Variants in NFAT5 observed in about 807,000 individuals in gnomAD.
The protein encoded by NFAT5 is nuclear factor of activated T-cells 5.
In NFAT5, 31 loss-of-function variants were observed where a neutral mutation model predicts 166.5. The ratio of observed to expected loss-of-function variants is 0.19; its 90% CI spans 0.14 to 0.25. NFAT5 has a LOEUF of 0.25. Ranked by LOEUF, NFAT5 falls within the 10% of genes least tolerant of loss-of-function variation. NFAT5 has a pLI of 1.00. For synonymous variants in NFAT5, 612 were observed against 639.7 expected (o/e 0.96, Z 0.65); for missense variants, 1,449 against 1,821.8 (o/e 0.80, Z 3.72).
At chr16:69,596,141 G>A (rs751862791) in intron 2 of NFAT5, among the ~76,000 whole-genome samples, 5 of 152,148 alleles carry the variant, frequency 3.3e-5, no homozygotes, top group Non-Finnish European at 5.9e-5. Context: ...TACCAGATGA[G>A]TTGATTTCAT....
At chr16:69,588,348 C>T (rs1325267232) in intron 2 of NFAT5, among the ~76,000 whole-genome samples, 1 of 152,144 alleles carries the variant, frequency 6.6e-6, no homozygotes, top group Non-Finnish European at 1.5e-5. Flanking sequence ...CAACTAACTC[C>T]TGAGAATACT....
At chr16:69,637,855 A>G (rs1040484582) in intron 3 of NFAT5, among the ~76,000 whole-genome samples, 2 of 152,240 alleles carry the variant, frequency 1.3e-5, no homozygotes, top group Non-Finnish European at 2.9e-5. Context: ...AATTCTATAA[A>G]GTCTGCTGTT....
At chr16:69,594,723 CTA>C (rs1292145853) in intron 2 of NFAT5, among the ~76,000 whole-genome samples, 5 of 152,086 alleles carry the variant, frequency 3.3e-5, no homozygotes, top group African/African-American at 1.2e-4. Context: ...ATAATAATAA[CTA>C]TTGTATTGTC....
At position 69,693,526 on chromosome 16, in the gene NFAT5, G is replaced by A. The variant is rs2037640263; in HGVS notation, c.3701G>A (p.Gly1234Asp). 6.2e-7 allele frequency: 1 copy of A among 1,613,978 alleles called. No individual in the cohort carries two copies. Among genetic ancestry groups the A allele is most frequent in the Admixed American group, 1.7e-5 (1 of 59,990 alleles). Residue 1234 changes from glycine to aspartate, a missense_variant, in exon 13 of 15, where the codon GGC becomes GAC. By Grantham distance (94) the Gly-to-Asp change is moderately conservative. Coordinates refer to ENST00000349945, the MANE Select transcript of NFAT5 (RefSeq NM_138713.4). ...TTATTTCAGCCTCAGGTGGCCCTGG[G>A]CTCCCTTCCACCTAATCCAATGCCT... is the stretch of plus-strand genomic sequence containing the variant. ...QGLFQPQVALGSLPPNPMPQS... is the reference protein window; with the variant it reads ...QGLFQPQVALDSLPPNPMPQS...
In NFAT5 at chr16:69,647,510, G is replaced by A; in HGVS notation, c.736G>A (p.Asp246Asn). 2 of 1,608,928 alleles carry A rather than the reference G, an allele frequency of 1.2e-6. No individual in the cohort carries two copies. The highest frequency in any genetic ancestry group is 1.7e-6 in the Non-Finnish European group (2 of 1,179,944). The change falls in exon 4 of 15, where the codon GAC becomes AAC. Residue 246 changes from aspartate (D) to asparagine (N), a missense_variant. Transcript: ENST00000349945. This position sits in a 1 kb window ranked among gnomAD's most constrained non-coding sequence, Gnocchi z 4.8. ...EESNMDIFDA[D>N]SAKAPHYVLS... Reference sequence around the variant, plus strand: ...ATCTAATATGGATATATTTGATGCCGACAGTGCCAAAGCACCTCACTATGT... The same window carrying A: ...ATCTAATATGGATATATTTGATGCCAACAGTGCCAAAGCACCTCACTATGT...
chr16:69,699,220 G>T lies in NFAT5; in HGVS notation c.*2869G>T, dbSNP rs1178389843. On this transcript the variant is annotated 3_prime_UTR_variant, in exon 15 of 15. Coordinates refer to ENST00000349945, the MANE Select transcript of NFAT5 (RefSeq NM_138713.4). ...TTAATACTGCACTGTGGATGAAGTG[G>T]CGACTGGCTTGTGTGCTGACTTCTG... 1 of 153,358 alleles carries T rather than the reference G, an allele frequency of 6.5e-6. No homozygotes were observed. The highest frequency in any genetic ancestry group is 1.9e-4 in the East Asian group (1 of 5,200). The allele number at this position is 153,358 out of a possible 1,614,324, so 9.5% of individuals were successfully genotyped here.
rs1196852425 is a variant in NFAT5, at chr16:69,658,469, G to A, written c.1197-1258G>A. Reference sequence around the variant, plus strand: ...TTGTGCTCCAGCCTGGGCAACAAGAGCGAAACTCTGTCTCAAAAAAAAAAA... The same window carrying A: ...TTGTGCTCCAGCCTGGGCAACAAGAACGAAACTCTGTCTCAAAAAAAAAAA... On this transcript the variant is annotated intron_variant, in intron 6 of 14. Coordinates refer to ENST00000349945, the MANE Select transcript of NFAT5 (RefSeq NM_138713.4). Among the ~76,000 whole-genome samples, 30 of 150,196 alleles carry A rather than the reference G, an allele frequency of 2.0e-4. No individual in the cohort carries two copies. The East Asian group carries it at 5.9e-3, about 29-fold the overall frequency.
intron 2 of NFAT5, among the ~76,000 whole-genome samples, chr16:69,598,191 T>G (rs2032914647): frequency 6.6e-6 from 1 of 151,226 alleles, no homozygotes; most frequent in Non-Finnish European, 1.5e-5. Context: ...GAGAACAGCC[T>G]TATGCAACAT....
chr16:69,579,153 C>G (rs192981761), intron 2 of NFAT5, among the ~76,000 whole-genome samples: 22 of 152,206 alleles, frequency 1.4e-4, no homozygotes, highest in Admixed American at 5.9e-4. Flanking sequence ...GGATTACAGG[C>G]GCCGGCCACT....
At chr16:69,643,832 C>G (rs979367185) in intron 3 of NFAT5, among the ~76,000 whole-genome samples, 16 of 152,136 alleles carry the variant, frequency 1.1e-4, no homozygotes, top group Non-Finnish European at 2.2e-4. Flanking sequence ...AAGATATTGT[C>G]AGTGCTTTCG....
At chr16:69,609,281 C>T (rs189170581) in intron 2 of NFAT5, among the ~76,000 whole-genome samples, 44 of 152,282 alleles carry the variant, frequency 2.9e-4, no homozygotes, top group Non-Finnish European at 4.9e-4. Context: ...GCATTTCATG[C>T]TTCAGAGTAA....
In NFAT5 at chr16:69,623,580, T is replaced by C. The variant is rs538134975; in HGVS notation, c.128-2823T>C. Reference sequence around the variant, plus strand: ...TGGAGTGCAATGGTGTGATCTTGGCTCACTGCAGCCTCCGCCTCCCAGGTT... The same window carrying C: ...TGGAGTGCAATGGTGTGATCTTGGCCCACTGCAGCCTCCGCCTCCCAGGTT... On this transcript the variant is annotated intron_variant, in intron 2 of 14. Coordinates refer to ENST00000349945, the MANE Select transcript of NFAT5 (RefSeq NM_138713.4). 2.0e-5 allele frequency among the ~76,000 whole-genome samples: 3 copies of C among 152,008 alleles called. No homozygotes were observed. The South Asian group carries it at 6.2e-4, about 32-fold the overall frequency.
At chr16:69,645,795 A>G (rs2035414267) in intron 3 of NFAT5, among the ~76,000 whole-genome samples, 1 of 152,170 alleles carries the variant, frequency 6.6e-6, no homozygotes, top group Non-Finnish European at 1.5e-5. Flanking sequence ...CAACCTTTCC[A>G]TATTGTGAAC....
chr16:69,659,193 G>C (rs1597487948), intron 6 of NFAT5, among the ~76,000 whole-genome samples: 2 of 151,044 alleles, frequency 1.3e-5, no homozygotes, highest in East Asian at 1.9e-4. Flanking sequence ...TGTAATCCCA[G>C]CACTTTGGGA....
chr16:69,627,374 A>G (rs1252146297), intron 3 of NFAT5, among the ~76,000 whole-genome samples: 2 of 100,382 alleles, frequency 2.0e-5, no homozygotes, highest in Admixed American at 2.0e-4. Flanking sequence ...ATATATATAT[A>G]TATATATATT....
Position 69,693,204 on chromosome 16 carries a change from T to G in NFAT5, c.3379T>G (p.Ser1127Ala), listed in dbSNP as rs776303004. The G allele has an allele frequency of 6.2e-7, 1 of 1,614,032 alleles. No individual in the cohort carries two copies. The highest frequency in any genetic ancestry group is 8.5e-7 in the Non-Finnish European group (1 of 1,180,028). ...CCACAGTCAGACTTCTACAACCTCC[T>G]CTGAACAAATGCAGCCTCCAATGTT... ...IVHSQTSTTS[S>A]EQMQPPMFHS... The change falls in exon 13 of 15, where the codon TCT becomes GCT. Residue 1127 changes from serine to alanine, a missense_variant. Physicochemically the swap from Ser to Ala is moderately conservative, Grantham distance 99. Around this residue, in one of 7 missense-constraint regions of NFAT5, gnomAD observed 891 missense variants for 993.0 expected, o/e 0.90. Coordinates refer to ENST00000349945, the MANE Select transcript of NFAT5 (RefSeq NM_138713.4).
At chr16:69,636,477 G>T (rs930990785) in intron 3 of NFAT5, among the ~76,000 whole-genome samples, 1 of 152,192 alleles carries the variant, frequency 6.6e-6, no homozygotes. Context: ...CCTAGCAGAG[G>T]TTCTCCGTGA....
rs116441894 is a variant in NFAT5 at position 69,627,511 on chromosome 16, A to G, written c.253+983A>G. On this transcript the variant is annotated intron_variant, in intron 3 of 14. Coordinates refer to ENST00000349945, the MANE Select transcript of NFAT5 (RefSeq NM_138713.4). ...ATTATTTTAGTTTCAAAATGAGAAC[A>G]GTAAAGTGTAAGGTTGTGGTTTAAA... Among the ~76,000 whole-genome samples, 525 of 152,220 alleles carry G rather than the reference A, an allele frequency of 3.4e-3. 2 individuals carry two copies. Among genetic ancestry groups the G allele is most frequent in the African/African-American group, 0.012 (487 of 41,558 alleles).
rs2037667903 is a variant in NFAT5 at position 69,694,019 on chromosome 16, C to T, written c.4194C>T (p.Ser1398=). 1.2e-6 allele frequency: 2 copies of T among 1,614,066 alleles called. No individual in the cohort carries two copies. Among genetic ancestry groups the T allele is most frequent in the Non-Finnish European group, 1.7e-6 (2 of 1,180,036 alleles). Residue 1398 remains serine, a synonymous_variant, in exon 13 of 15, where the codon TCC becomes TCT. Coordinates refer to ENST00000349945, the MANE Select transcript of NFAT5 (RefSeq NM_138713.4). ...TAACTCTCTTCTTATCTCCAGCATC[C>T]ATGTCTGCCTTGCAGACCAGTATAA... is the stretch of plus-strand genomic sequence containing the variant. ...QQVTLFLSPA[S]MSALQTSINQ...
Sources: gnomAD v4.1 joint callset for allele counts (sites outside exome capture counted in the v4.1 genomes callset) on GRCh38, gnomAD v4.1.1 for gene constraint, gnomAD v4.1.1 regional missense constraint, Gnocchi (gnomAD v3.1) non-coding constraint, MANE v1.5 for transcripts, NCBI Gene and HGNC (gene_info 2026-07-23, HGNC 2026-07-21) for gene names.